The following VTI1A variants were observed in gnomAD, a reference collection of about 807,000 sequenced individuals.
VTI1A encodes vesicle transport through interaction with t-SNAREs 1A, also known as vesicle transport through interaction with t-SNAREs homolog 1A.
Under a neutral mutation model 34.9 loss-of-function variants are expected in VTI1A, and 22 were observed. The observed-to-expected ratio is 0.63, with a 90% CI of 0.45 to 0.90. VTI1A has a LOEUF of 0.90. VTI1A is among the 40% of genes least tolerant of loss of function. VTI1A has a pLI of 0.00. For missense variants in VTI1A, 268 were observed against 275.6 expected, an observed-to-expected ratio of 0.97 and a Z score of 0.20; for synonymous variants, 87 against 97.3, an observed-to-expected ratio of 0.89 and a Z score of 0.62.
chr10:112,827,848 A>G, the VTI1A span: 1 of 152,192 alleles, frequency 6.6e-6, no homozygotes, highest in African/African-American at 2.4e-5. Context: ...TGTGAATTAG[A>G]CGCTGTCATT....
intron 7 of VTI1A, among the ~76,000 whole-genome samples, chr10:112,804,607 A>T (rs969114467): frequency 6.6e-6 from 1 of 152,140 alleles, no homozygotes; most frequent in African/African-American, 2.4e-5. Context: ...ATACCAGATT[A>T]TGGGCACAGA....
At chr10:112,711,223 G>T (rs901759222) in intron 7 of VTI1A, among the ~76,000 whole-genome samples, 2 of 152,092 alleles carry the variant, frequency 1.3e-5, no homozygotes, top group Admixed American at 1.3e-4. Flanking sequence ...TTAATTTGGC[G>T]AAATCCCAAA....
intron 5 of VTI1A, among the ~76,000 whole-genome samples, chr10:112,594,186 C>T (rs949666906): frequency 2.6e-5 from 4 of 152,230 alleles, no homozygotes; most frequent in African/African-American, 9.6e-5. Context: ...GGATTACAGG[C>T]GTGAGCCACT....
Position 112,668,219 on chromosome 10 carries a change from G to A in VTI1A, c.429G>A (p.Glu143=), listed in dbSNP as rs17353359. ...TCACTCAAATTTTCTTTTCCGTAGA[G>A]CAAATTGGTCAGGAGATGTTGGAAA... ...EAGYQIAVET[E]QIGQEMLENL... is the part of the protein sequence containing the mutation. The change falls in exon 6 of 8, where the codon GAG becomes GAA. Residue 143 remains glutamate, a splice_region_variant and synonymous_variant. Coordinates refer to ENST00000393077, the MANE Select transcript of VTI1A (RefSeq NM_145206.4). 0.024 allele frequency: 38,324 copies of A among 1,611,958 alleles called. 544 individuals are homozygous for A. Among genetic ancestry groups the A allele is most frequent in the Non-Finnish European group, 0.027 (31,823 of 1,178,624 alleles).
chr10:112,735,521 G>C (rs1850420415), intron 7 of VTI1A, among the ~76,000 whole-genome samples: 1 of 152,212 alleles, frequency 6.6e-6, no homozygotes, highest in South Asian at 2.1e-4. Context: ...GAAACACTCT[G>C]CTGAGGCATT....
Position 112,581,401 on chromosome 10 carries a change from A to G in VTI1A, c.427+43071A>G, listed in dbSNP as rs79514943. On this transcript the variant is annotated intron_variant, in intron 5 of 7. Coordinates refer to ENST00000393077, the MANE Select transcript of VTI1A (RefSeq NM_145206.4). ...GTTACAAGGTCTGCTTAAATTACCAATTTGAGTATGTGGTCTGATTTTTAT... is the reference window on the plus strand; with the variant it reads ...GTTACAAGGTCTGCTTAAATTACCAGTTTGAGTATGTGGTCTGATTTTTAT... 2.7e-3 allele frequency among the ~76,000 whole-genome samples: 410 copies of G among 152,224 alleles called. 2 individuals are homozygous for G. Among genetic ancestry groups the G allele is most frequent in the African/African-American group, 8.3e-3 (344 of 41,532 alleles).
At chr10:112,455,021 A>G (rs1188441872) in intron 1 of VTI1A, among the ~76,000 whole-genome samples, 3 of 152,012 alleles carry the variant, frequency 2.0e-5, no homozygotes, top group South Asian at 2.1e-4. Context: ...TCCTAGGTAC[A>G]TGTTGTTTGA....
At chr10:112,593,799 C>T (rs1372388313) in intron 5 of VTI1A, among the ~76,000 whole-genome samples, 1 of 152,236 alleles carries the variant, frequency 6.6e-6, no homozygotes, top group East Asian at 1.9e-4. Context: ...TGCAGCGCCA[C>T]AATCTCGGCT....
the VTI1A span, among the ~76,000 whole-genome samples, chr10:112,846,460 C>A: frequency 6.6e-6 from 1 of 152,184 alleles, no homozygotes; most frequent in Non-Finnish European, 1.5e-5. Flanking sequence ...TGTATGGCAA[C>A]TGAGCATTTG....
chr10:112,624,596 C>T (rs1845852323), intron 5 of VTI1A, among the ~76,000 whole-genome samples: 4 of 151,614 alleles, frequency 2.6e-5, no homozygotes, highest in Admixed American at 2.6e-4. Flanking sequence ...AAGTGAAATA[C>T]GAGTATAACA....
intron 7 of VTI1A, among the ~76,000 whole-genome samples, chr10:112,794,520 CCAGCCTGGGCAA>C (rs1455288234): frequency 6.6e-6 from 1 of 151,798 alleles, no homozygotes; most frequent in African/African-American, 2.4e-5. Context: ...CTGTTGCACT[CCAGCCTGGGCAA>C]CAGAGTGAGA....
intron 1 of VTI1A, chr10:112,449,472 G>A (rs970158180): frequency 6.6e-6 from 1 of 152,248 alleles, no homozygotes; most frequent in African/African-American, 2.4e-5. Flanking sequence ...AATAAAACTG[G>A]GCAGAGCCCG....
intron 5 of VTI1A, among the ~76,000 whole-genome samples, chr10:112,648,795 T>C (rs1846898794): frequency 6.6e-6 from 1 of 152,162 alleles, no homozygotes; most frequent in African/African-American, 2.4e-5. Flanking sequence ...GACAGAAGTT[T>C]CATAGGAGAT....
chr10:112,633,229 A>G (rs543889385), intron 5 of VTI1A, among the ~76,000 whole-genome samples: 1 of 152,292 alleles, frequency 6.6e-6, no homozygotes, highest in South Asian at 2.1e-4. Context: ...TCTGGAACAC[A>G]TAGTGGGTCA....
intron 3 of VTI1A, among the ~76,000 whole-genome samples, chr10:112,501,146 C>G (rs926497859): frequency 1.3e-5 from 2 of 152,152 alleles, no homozygotes; most frequent in Non-Finnish European, 2.9e-5. Context: ...GTCTGGCATA[C>G]ACAGCTGCTC....
At chr10:112,604,815 G>T (rs1449434927) in intron 5 of VTI1A, among the ~76,000 whole-genome samples, 1 of 152,028 alleles carries the variant, frequency 6.6e-6, no homozygotes, top group Non-Finnish European at 1.5e-5. Context: ...ACATTTCTTG[G>T]TGTACAGCGG....
chr10:112,635,431 A>G (rs1365240637), intron 5 of VTI1A, among the ~76,000 whole-genome samples: 1 of 152,210 alleles, frequency 6.6e-6, no homozygotes, highest in African/African-American at 2.4e-5. Flanking sequence ...TCTAGAATAT[A>G]TGCCAGAGAG....
At chr10:112,786,555 G>C (rs1852294421) in intron 7 of VTI1A, among the ~76,000 whole-genome samples, 1 of 152,136 alleles carries the variant, frequency 6.6e-6, no homozygotes, top group East Asian at 1.9e-4. Flanking sequence ...TCACCCTTAA[G>C]TATGATATTC....
intron 4 of VTI1A, chr10:112,533,394 TTGTC>T (rs1323706282): frequency 2.6e-5 from 13 of 497,222 alleles, no homozygotes; most frequent in African/African-American, 4.2e-5. Context: ...TTTAATGTGT[TTGTC>T]TGTGATTTTT....
Sources: gnomAD v4.1 joint callset for allele counts (sites outside exome capture counted in the v4.1 genomes callset) on GRCh38, gnomAD v4.1.1 for gene constraint, MANE v1.5 for transcripts, NCBI Gene and HGNC (gene_info 2026-07-23, HGNC 2026-07-21) for gene names.